The following ICE1 variants were observed in gnomAD, a reference collection of about 807,000 sequenced individuals.
The protein encoded by ICE1 is little elongation complex subunit 1.
ICE1 carries 64 observed loss-of-function variants against 192.7 expected under a neutral mutation model. The ratio of observed to expected loss-of-function variants is 0.33; its 90% CI spans 0.27 to 0.41. ICE1 has a LOEUF of 0.41. ICE1 is among the 10% of genes least tolerant of loss of function. The probability of loss-of-function intolerance (pLI) is 1.00; values close to 1 mark genes in which losing one functional copy is unlikely to be tolerated. For synonymous variants in ICE1, 1,010 were observed against 984.5 expected, an observed-to-expected ratio of 1.03 and a Z score of -0.49; for missense variants, 2,708 against 2,696.0, an observed-to-expected ratio of 1.00 and a Z score of -0.10.
intron 11 of ICE1, among the ~76,000 whole-genome samples, chr5:5,455,715 A>G (rs1337241613): frequency 1.3e-5 from 2 of 152,212 alleles, no homozygotes; most frequent in African/African-American, 2.4e-5. Context: ...TTTTATTTTC[A>G]TATGAGGATG....
chr5:5,461,431 G>A lies in ICE1; in HGVS notation c.2097G>A (p.Leu699=), dbSNP rs1738775604. Residue 699 remains leucine, a synonymous_variant, in exon 13 of 19, where the codon TTG becomes TTA. Coordinates refer to ENST00000296564, the MANE Select transcript of ICE1 (RefSeq NM_015325.3). The part of the protein sequence containing the change: ...PPECSIGGNN[L]ENSLCALSPE... ...AGTGTTCTATAGGAGGAAACAACTTGGAGAATAGCTTGTGTGCCTTGAGCC... is the reference window on the plus strand; with the variant it reads ...AGTGTTCTATAGGAGGAAACAACTTAGAGAATAGCTTGTGTGCCTTGAGCC... 6.2e-7 allele frequency: 1 copy of A among 1,613,912 alleles called. No individual in the cohort carries two copies. Among genetic ancestry groups the A allele is most frequent in the Admixed American group, 1.7e-5 (1 of 60,002 alleles).
chr5:5,478,151 A>G (rs757626647), intron 17 of ICE1, among the ~76,000 whole-genome samples: 2 of 152,080 alleles, frequency 1.3e-5, no homozygotes, highest in Non-Finnish European at 2.9e-5. Context: ...AAAGAAATAA[A>G]TAGGAAGAGA....
intron 11 of ICE1, 90 bp from the exon 12 acceptor site, chr5:5,457,242 T>A: frequency 8.1e-7 from 1 of 1,239,360 alleles, no homozygotes; most frequent in Non-Finnish European, 1.1e-6. Context: ...CATTTTGAAC[T>A]GTTGTAATAA....
chr5:5,459,956 T>A (rs564990866), intron 12 of ICE1, among the ~76,000 whole-genome samples: 2 of 151,792 alleles, frequency 1.3e-5, no homozygotes, highest in African/African-American at 4.8e-5. Context: ...GGGGAGGAGA[T>A]ATGTGGTGGG....
intron 1 of ICE1, among the ~76,000 whole-genome samples, chr5:5,426,530 A>C (rs1561069930): frequency 6.6e-6 from 1 of 152,006 alleles, no homozygotes; most frequent in Non-Finnish European, 1.5e-5. Flanking sequence ...CACTTAAAGG[A>C]ATCTTTGAAA....
Position 5,447,733 on chromosome 5 carries a change from G to T in ICE1, c.520G>T (p.Glu174Ter). 6.3e-7 allele frequency: 1 copy of T among 1,583,422 alleles called. No individual in the cohort carries two copies. Among genetic ancestry groups the T allele is most frequent in the Non-Finnish European group, 8.6e-7 (1 of 1,162,496 alleles). Residue 174 changes from glutamate to a stop codon, truncating the protein, a stop_gained, in exon 9 of 19, where the codon GAA (glutamate) becomes TAA (stop). Transcript: ENST00000296564. LOFTEE classifies it high-confidence loss of function. Reference protein sequence around the residue: ...EFKKTQERLDEFSKQKNEKEL... With the variant: ...EFKKTQERLD ...TTTGTTTTCACAGGAAAGGCTTGACGAATTTTCTAAACAGAAAAATGAAAA... is the reference window on the plus strand; with the variant it reads ...TTTGTTTTCACAGGAAAGGCTTGACTAATTTTCTAAACAGAAAAATGAAAA...
At chr5:5,444,169 C>G in intron 6 of ICE1, 120 bp from the exon 7 acceptor site, 1 of 668,028 alleles carries the variant, frequency 1.5e-6, no homozygotes, top group Admixed American at 2.5e-5. Context: ...GATACTAGTT[C>G]AGACTGAACA....
In ICE1 at chr5:5,466,462, G is replaced by A. The variant is rs752692496; in HGVS notation, c.6021G>A (p.Leu2007=). The A allele has an allele frequency of 2.5e-6, 4 of 1,612,374 alleles. No homozygotes were observed. In the East Asian group the frequency reaches 6.7e-5, roughly 27 times the overall value. The change falls in exon 14 of 19, where the codon TTG becomes TTA. Residue 2007 remains leucine, a synonymous_variant. Coordinates refer to ENST00000296564, the MANE Select transcript of ICE1 (RefSeq NM_015325.3). The part of the protein sequence containing the change: ...YVGICRQLGD[L]ERARLFCYSL... ...GTATTTGTCGGCAACTCGGAGACTTGGAAAGAGCTCGTTTGTTTTGCTACA... is the reference window on the plus strand; with the variant it reads ...GTATTTGTCGGCAACTCGGAGACTTAGAAAGAGCTCGTTTGTTTTGCTACA...
Position 5,445,762 on chromosome 5 carries a change from T to C in ICE1, c.424+1436T>C, listed in dbSNP as rs111466772. On this transcript the variant is annotated intron_variant, in intron 7 of 18. Coordinates refer to ENST00000296564, the MANE Select transcript of ICE1 (RefSeq NM_015325.3). ...TTTTTTTTTTTTTTGAGAGGAAGTC[T>C]CGCTCTGTCGCCTAGACTGGAGTGC... Among the ~76,000 whole-genome samples, 813 of 151,866 alleles carry C rather than the reference T, an allele frequency of 5.4e-3. 6 individuals are homozygous for C. The highest frequency in any genetic ancestry group is 0.028 in the East Asian group (143 of 5,140).
intron 1 of ICE1, among the ~76,000 whole-genome samples, chr5:5,435,046 A>G (rs970796547): frequency 1.1e-4 from 16 of 152,196 alleles, no homozygotes; most frequent in Admixed American, 4.6e-4. Flanking sequence ...CTCAGGAAAA[A>G]TAGAACTGTT....
chr5:5,433,524 C>G (rs1409871178), intron 1 of ICE1, among the ~76,000 whole-genome samples: 1 of 152,004 alleles, frequency 6.6e-6, no homozygotes, highest in Non-Finnish European at 1.5e-5. Flanking sequence ...TCTTGTCATC[C>G]TTGTTGGTTT....
intron 12 of ICE1, among the ~76,000 whole-genome samples, chr5:5,459,403 C>A (rs950271628): frequency 6.6e-6 from 1 of 152,152 alleles, no homozygotes; most frequent in Non-Finnish European, 1.5e-5. Context: ...TATGCATGTA[C>A]ACAGGTGAGA....
intron 1 of ICE1, 37 bp from the exon 2 acceptor site, chr5:5,436,377 GTAAT>G (rs758351180): frequency 1.7e-6 from 2 of 1,155,746 alleles, no homozygotes; most frequent in East Asian, 5.7e-5. Context: ...TATATTTAAA[GTAAT>G]TGATAAAAAA....
chr5:5,484,684 C>T (rs745337915), intron 17 of ICE1, among the ~76,000 whole-genome samples: 2 of 152,128 alleles, frequency 1.3e-5, no homozygotes, highest in East Asian at 1.9e-4. Context: ...TCAGGCTGCA[C>T]GTACCTAGCA....
chr5:5,427,767 T>C (rs183236124), intron 1 of ICE1, among the ~76,000 whole-genome samples: 23 of 152,352 alleles, frequency 1.5e-4, no homozygotes, highest in African/African-American at 4.8e-4. Flanking sequence ...CTTCGATGTA[T>C]ATATGATGCT....
At chr5:5,465,483 T>C (rs1241985760) in intron 13 of ICE1, among the ~76,000 whole-genome samples, 3 of 152,236 alleles carry the variant, frequency 2.0e-5, no homozygotes, top group Admixed American at 2.0e-4. Context: ...GGACTAAAAT[T>C]ACATATATCC....
chr5:5,475,354 GT>G (rs1739277385), intron 16 of ICE1, among the ~76,000 whole-genome samples: 1 of 152,184 alleles, frequency 6.6e-6, no homozygotes, highest in Admixed American at 6.5e-5. Context: ...CTGAGACTGA[GT>G]TTGGAGTGCT....
At chr5:5,457,791 C>T (rs1738633813) in intron 12 of ICE1, 50 bp downstream of exon 12, 5 of 1,475,464 alleles carry the variant, frequency 3.4e-6, no homozygotes, top group Non-Finnish European at 4.7e-6. Flanking sequence ...CATTGTCTAT[C>T]CTAATATGTC....
chr5:5,473,749 G>A lies in ICE1; in HGVS notation c.6413+1G>A, dbSNP rs1739230950. ...TCTGGACGCATGATAACATCATAAG[G>A]TTAGTTATTTTACTAATTTAAATAA... On this transcript the variant is annotated splice_donor_variant, in intron 16 of 18. Coordinates refer to ENST00000296564, the MANE Select transcript of ICE1 (RefSeq NM_015325.3). LOFTEE classifies it high-confidence loss of function. The A allele has an allele frequency of 1.3e-6, 2 of 1,563,054 alleles. No homozygotes were observed. The highest frequency in any genetic ancestry group is 1.7e-6 in the Non-Finnish European group (2 of 1,158,138).
Sources: gnomAD v4.1 joint callset for allele counts (sites outside exome capture counted in the v4.1 genomes callset) on GRCh38, gnomAD v4.1.1 for gene constraint, MANE v1.5 for transcripts, NCBI Gene and HGNC (gene_info 2026-07-23, HGNC 2026-07-21) for gene names.